Variants in PRC1 observed in about 807,000 individuals in gnomAD.
PRC1 encodes the protein protein regulator of cytokinesis 1.
In PRC1, 54 loss-of-function variants were observed where a neutral mutation model predicts 91.2. The ratio of observed to expected loss-of-function variants is 0.59; its 90% CI spans 0.48 to 0.74. PRC1 has a LOEUF of 0.74. PRC1 is among the 30% of genes least tolerant of loss of function. PRC1 has a pLI of 0.00. For missense variants in PRC1, 727 were observed against 746.2 expected (o/e 0.97, Z 0.30); for synonymous variants, 275 against 263.6 (o/e 1.04, Z -0.42).
At chr15:90,980,212 A>C (rs578149662) in intron 7 of PRC1, 30 bp downstream of exon 7, 1 of 1,561,300 alleles carries the variant, frequency 6.4e-7, no homozygotes, top group African/African-American at 1.4e-5. Context: ...CTCCAAACAA[A>C]CAAACCAAAG....
chr15:90,992,191 AC>A (rs2040018639), intron 1 of PRC1, among the ~76,000 whole-genome samples: 1 of 150,914 alleles, frequency 6.6e-6, no homozygotes, highest in African/African-American at 2.4e-5. Context: ...TAAAACCACA[AC>A]CCCCCTTCCT....
chr15:90,980,890 C>T lies in PRC1; in HGVS notation c.816G>A (p.Arg272=). The change falls in exon 6 of 15, where the codon CGG becomes CGA. Residue 272 remains arginine, a synonymous_variant. Coordinates refer to ENST00000394249, the MANE Select transcript of PRC1 (RefSeq NM_003981.4). Reference sequence around the variant, plus strand: ...TACCCACTGGGTTTCTTACCGCTTTCCGGACCTTGGCCTTTGACCCAGACA... The same window carrying T: ...TACCCACTGGGTTTCTTACCGCTTTTCGGACCTTGGCCTTTGACCCAGACA... ...TIMSGSKAKV[R]KALQLEVDRL... is the part of the protein sequence containing the mutation. 1 of 1,614,218 alleles carries T rather than the reference C, an allele frequency of 6.2e-7. No individual in the cohort carries two copies. The highest frequency in any genetic ancestry group is 8.5e-7 in the Non-Finnish European group (1 of 1,180,038).
At chr15:90,967,908 TA>T in intron 14 of PRC1, 1 of 985,476 alleles carries the variant, frequency 1.0e-6, no homozygotes, top group Non-Finnish European at 1.2e-6. Context: ...GAGCCCTTTA[TA>T]AAACAATGGG....
chr15:90,972,424 G>A (rs2038238926), intron 11 of PRC1, among the ~76,000 whole-genome samples: 1 of 150,516 alleles, frequency 6.6e-6, no homozygotes, highest in Non-Finnish European at 1.5e-5. Context: ...GTAGAGAGAA[G>A]AAATAATACT....
intron 12 of PRC1, 31 bp downstream of exon 12, chr15:90,970,373 G>A (rs369995477): frequency 2.7e-6 from 4 of 1,494,652 alleles, no homozygotes; most frequent in Non-Finnish European, 2.8e-6. Flanking sequence ...GGACGCATGT[G>A]AGGATGTGCT....
At chr15:90,979,085 C>T (rs1178263600) in intron 8 of PRC1, 73 bp downstream of exon 8, 6 of 1,503,682 alleles carry the variant, frequency 4.0e-6, no homozygotes, top group Non-Finnish European at 4.5e-6. Flanking sequence ...TGGCAAAGAA[C>T]AAAGCTAACT....
chr15:90,990,733 G>T (rs1048196252), intron 1 of PRC1, among the ~76,000 whole-genome samples: 2 of 151,770 alleles, frequency 1.3e-5, no homozygotes, highest in Non-Finnish European at 2.9e-5. Flanking sequence ...CCTCAAAGCT[G>T]TTATTAAAAA....
intron 14 of PRC1, chr15:90,967,528 G>A (rs1337533447): frequency 3.9e-6 from 1 of 254,990 alleles, no homozygotes; most frequent in Non-Finnish European, 7.5e-6. Context: ...ATACACTATG[G>A]TGGTCCCATA....
intron 12 of PRC1, among the ~76,000 whole-genome samples, chr15:90,970,134 G>A (rs1302419388): frequency 6.6e-6 from 1 of 152,160 alleles, no homozygotes; most frequent in Non-Finnish European, 1.5e-5. Context: ...TTGGAATTGA[G>A]TCTACAGCGA....
chr15:90,974,324 G>C lies in PRC1; in HGVS notation c.1351-78C>G, dbSNP rs1434689187. The C allele has an allele frequency of 7.7e-7, 1 of 1,299,384 alleles. No individual in the cohort carries two copies. The highest frequency in any genetic ancestry group is 1.1e-6 in the Non-Finnish European group (1 of 905,598). 80.5% of individuals were successfully genotyped at this position (1,299,384 alleles called of 1,614,324 possible). ...GGGATGGCAACAGCAGCAGGGCCGG[G>C]AATCTAGGCCCGTGTCTCTACAGCC... On this transcript the variant is annotated intron_variant, in intron 10 of 14. Coordinates refer to ENST00000394249, the MANE Select transcript of PRC1 (RefSeq NM_003981.4). This position sits in a 1 kb window ranked among gnomAD's most constrained non-coding sequence, Gnocchi z 4.6.
At chr15:90,980,462 C>CT in intron 6 of PRC1, 73 bp from the exon 7 acceptor site, 1 of 1,468,106 alleles carries the variant, frequency 6.8e-7, no homozygotes, top group Non-Finnish European at 9.1e-7. Context: ...AGATCCCCCC[C>CT]TTTTAAGTAA....
intron 12 of PRC1, among the ~76,000 whole-genome samples, chr15:90,970,083 A>C (rs979693099): frequency 1.3e-5 from 2 of 152,098 alleles, no homozygotes; most frequent in Non-Finnish European, 2.9e-5. Flanking sequence ...GCTAGAACCC[A>C]CATGTAGGGG....
chr15:90,969,182 T>G (rs1180846139), intron 13 of PRC1, 62 bp from the exon 14 acceptor site: 2 of 1,535,740 alleles, frequency 1.3e-6, no homozygotes, highest in Non-Finnish European at 1.8e-6. Flanking sequence ...AGGACAGTGA[T>G]AGAGGGGTTG....
At chr15:90,980,587 T>G (rs1414027363) in intron 6 of PRC1, 198 bp from the exon 7 acceptor site, 8 of 702,014 alleles carry the variant, frequency 1.1e-5, no homozygotes, top group Non-Finnish European at 1.8e-5. Flanking sequence ...GGCGCGATTC[T>G]GGCTCACTGC....
Position 90,979,250 on chromosome 15 carries a change from C to A in PRC1, c.1015G>T (p.Val339Leu). The A allele has an allele frequency of 6.2e-7, 1 of 1,614,228 alleles. No individual in the cohort carries two copies. Among genetic ancestry groups the A allele is most frequent in the Non-Finnish European group, 8.5e-7 (1 of 1,180,028 alleles). Residue 339 changes from valine (V) to leucine (L), a missense_variant, in exon 8 of 15, where the codon GTG becomes TTG. Val to Leu is a conservative substitution (Grantham distance 32). Transcript: ENST00000394249. ...ACTTCATAGTAGTTTTTTAACCGCA[C>A]AATCTCAGCATCGTGGAGCTGGAGC... ...SLLQLHDAEI[V>L]RLKNYYEVHK... is the part of the protein sequence containing the mutation.
intron 1 of PRC1, among the ~76,000 whole-genome samples, chr15:90,991,756 A>G (rs1299449305): frequency 6.6e-6 from 1 of 152,062 alleles, no homozygotes; most frequent in East Asian, 1.9e-4. Flanking sequence ...ACCCTGGTCC[A>G]GGTCACCACC....
chr15:90,981,978 C>T lies in PRC1; in HGVS notation c.271G>A (p.Glu91Lys), dbSNP rs2039231030. 1 of 1,613,026 alleles carries T rather than the reference C, an allele frequency of 6.2e-7. No homozygotes were observed. The highest frequency in any genetic ancestry group is 8.5e-7 in the Non-Finnish European group (1 of 1,179,222). ...AGTTGCAAGATGGTCGTCTCTCCTT[C>T]TTCCTGAATAAGACAACGTACCACT... ...SELHVEPFQE[E>K]GETTILQLEK... is the part of the protein sequence containing the mutation. Residue 91 changes from glutamate to lysine, a missense_variant, in exon 4 of 15, where the codon GAA becomes AAA. Glu to Lys is a moderately conservative substitution (Grantham distance 56, BLOSUM62 1). Transcript: ENST00000394249.
At chr15:90,988,690 GCT>G (rs1278526519) in intron 1 of PRC1, 1 of 152,324 alleles carries the variant, frequency 6.6e-6, no homozygotes, top group Non-Finnish European at 1.5e-5. Context: ...CCTCTGGAGA[GCT>G]GTGGACTTGT....
chr15:90,978,547 T>A lies in PRC1; in HGVS notation c.1107+611A>T, dbSNP rs1243229222. ...TGGGCAGATCAGCTGAAGTCAGGAGTTTGAGACCAGCCTGGCCAACATGGT... is the reference window on the plus strand; with the variant it reads ...TGGGCAGATCAGCTGAAGTCAGGAGATTGAGACCAGCCTGGCCAACATGGT... On this transcript the variant is annotated intron_variant, in intron 8 of 14. Coordinates refer to ENST00000394249, the MANE Select transcript of PRC1 (RefSeq NM_003981.4). Among the ~76,000 whole-genome samples, 5 of 151,086 alleles carry A rather than the reference T, an allele frequency of 3.3e-5. 1 individual carries two copies. The highest frequency in any genetic ancestry group is 1.3e-4 in the Admixed American group (2 of 15,166).
Sources: allele counts gnomAD v4.1 joint callset (sites outside exome capture counted in the v4.1 genomes callset), GRCh38; gene constraint gnomAD v4.1.1; non-coding constraint Gnocchi (gnomAD v3.1); transcripts MANE v1.5; gene names NCBI Gene and HGNC (gene_info 2026-07-23, HGNC 2026-07-21).